FCGR1A: variants seen among roughly 807,000 people sequenced by gnomAD.
The protein encoded by FCGR1A is Fc gamma receptor Ia.
In FCGR1A, 13 loss-of-function variants were observed where a neutral mutation model predicts 35.0. The ratio of observed to expected loss-of-function variants is 0.37; its 90% CI spans 0.24 to 0.59. The LOEUF (loss-of-function observed/expected upper bound fraction) is 0.59. FCGR1A is among the 20% of genes least tolerant of loss of function. The pLI is 0.71. For synonymous variants in FCGR1A, 91 were observed against 164.7 expected (o/e 0.55, Z 3.43); for missense variants, 227 against 430.0 (o/e 0.53, Z 4.17).
rs781834840 is a variant in FCGR1A at position 149,788,591 on chromosome 1, C to T, written c.533C>T (p.Ser178Leu). Residue 178 changes from serine (S) to leucine (L), a missense_variant, in exon 4 of 6, where the codon TCA becomes TTA. Physicochemically the swap from Ser to Leu is moderately radical, Grantham distance 145. Around this residue, in one of 3 missense-constraint regions of FCGR1A, gnomAD observed 185 missense variants for 306.6 expected, o/e 0.60. Transcript: ENST00000369168. The stretch of plus-strand genomic sequence containing the variant: ...GGCATGGGAAAGCATCGCTACACAT[C>T]AGCAGGAATATCTGTCACTGTGAAA... ...CSGMGKHRYT[S>L]AGISVTVKEL... The T allele has an allele frequency of 1.6e-5, 26 of 1,613,880 alleles. No homozygotes were observed. In the South Asian group the frequency reaches 2.6e-4, roughly 16 times the overall value.
chr1:149,793,509 G>C (rs1553752460), downstream of FCGR1A, among the ~76,000 whole-genome samples: 1 of 152,140 alleles, frequency 6.6e-6, no homozygotes, highest in Non-Finnish European at 1.5e-5. Flanking sequence ...AGGCCCTGGA[G>C]GGATCTGATG....
intron 5 of FCGR1A, among the ~76,000 whole-genome samples, chr1:149,790,701 C>T (rs1407463212): frequency 1.3e-5 from 2 of 150,362 alleles, no homozygotes; most frequent in Non-Finnish European, 3.0e-5. Context: ...TGCCTCCCTC[C>T]TCCTCACCAA....
chr1:149,789,516 C>T (rs1769947), intron 4 of FCGR1A, among the ~76,000 whole-genome samples: 47 of 152,302 alleles, frequency 3.1e-4, no homozygotes, highest in African/African-American at 1.0e-3. Flanking sequence ...CCAGATGACA[C>T]GGTCATTCAG....
intron 4 of FCGR1A, among the ~76,000 whole-genome samples, chr1:149,789,482 C>A (rs2091645328): frequency 6.6e-6 from 1 of 152,168 alleles, no homozygotes; most frequent in Admixed American, 6.5e-5. Context: ...TAGTTGACCA[C>A]TGCCAAAAGG....
intron 3 of FCGR1A, 92 bp from the exon 4 acceptor site, chr1:149,788,274 A>G: frequency 6.2e-7 from 1 of 1,609,250 alleles, no homozygotes; most frequent in Non-Finnish European, 8.5e-7. Context: ...TGGATGTTGC[A>G]AGGAGAAAAA....
intron 3 of FCGR1A, among the ~76,000 whole-genome samples, chr1:149,785,421 T>TTG (rs1181176037): frequency 7.4e-6 from 1 of 135,744 alleles, no homozygotes. Flanking sequence ...TTTTTTTTTT[T>TTG]TTTTTTTTTT....
chr1:149,785,115 T>A (rs2091506402), intron 3 of FCGR1A, among the ~76,000 whole-genome samples: 3 of 152,184 alleles, frequency 2.0e-5, no homozygotes, highest in African/African-American at 7.2e-5. Flanking sequence ...ACTGCAATAT[T>A]CTTCAGGGAA....
chr1:149,794,071 G>A, downstream of FCGR1A: 4 of 532,020 alleles, frequency 7.5e-6, no homozygotes, highest in Non-Finnish European at 1.0e-5. Context: ...GGCTTAGTTG[G>A]AGACAGATTC....
chr1:149,792,301 G>A (rs1553752044), downstream of FCGR1A: 5 of 246,680 alleles, frequency 2.0e-5, 1 homozygote, highest in East Asian at 5.0e-4. Context: ...GAGAAGCGGC[G>A]ATACCATAGA....
chr1:149,791,333 G>A lies in FCGR1A; in HGVS notation c.941G>A (p.Arg314His), dbSNP rs782220562. The A allele has an allele frequency of 4.7e-5, 75 of 1,589,490 alleles. 10 individuals carry two copies. The East Asian group carries it at 1.1e-3, about 23-fold the overall frequency. The change falls in exon 6 of 6, where the codon CGT becomes CAT. Residue 314 changes from arginine to histidine, a missense_variant. Transcript: ENST00000369168. The part of the protein sequence containing the change: ...LVNTVLWVTI[R>H]KELKRKKKWD... ...AACACTGTTCTCTGGGTGACAATAC[G>A]TAAAGAACTGAAAAGAAAGAAAAAG...
At chr1:149,785,486 G>C (rs1382291870) in intron 3 of FCGR1A, among the ~76,000 whole-genome samples, 1 of 124,764 alleles carries the variant, frequency 8.0e-6, no homozygotes, top group Non-Finnish European at 1.6e-5. Context: ...GTGTGATCTT[G>C]GCTCACTGCA....
rs1243440027 is a variant in FCGR1A at position 149,782,704 on chromosome 1, A to G, written c.-40A>G. On this transcript the variant is annotated 5_prime_UTR_variant, in exon 1 of 6. It removes an upstream start codon present in the reference 5' UTR. Transcript: ENST00000369168. ...CAGCAGAACCTCTTCAATATCTTGC[A>G]TGTTACAGATTTCACTGCTCCCACC... 1 of 1,542,450 alleles carries G rather than the reference A, an allele frequency of 6.5e-7. No homozygotes were observed. The highest frequency in any genetic ancestry group is 8.9e-7 in the Non-Finnish European group (1 of 1,127,200).
At chr1:149,797,253 CT>C in the FCGR1A span, among the ~76,000 whole-genome samples, 2 of 152,110 alleles carry the variant, frequency 1.3e-5, no homozygotes, top group African/African-American at 4.8e-5. Flanking sequence ...GATTTTTTTT[CT>C]GTTTCTCTTA....
Position 149,784,271 on chromosome 1 carries a change from G to C in FCGR1A, c.307+14G>C. 1 of 1,610,234 alleles carries C rather than the reference G, an allele frequency of 6.2e-7. No homozygotes were observed. Among genetic ancestry groups the C allele is most frequent in the Non-Finnish European group, 8.5e-7 (1 of 1,179,816 alleles). ...AAATCCACAGAGGTAATTATGACTT[G>C]GACCAGGAGGGCCGGAAACCACAAG... On this transcript the variant is annotated intron_variant, in intron 3 of 5. Transcript: ENST00000369168.
intron 3 of FCGR1A, chr1:149,786,799 T>C (rs1160103050): frequency 6.6e-6 from 1 of 152,238 alleles, no homozygotes; most frequent in Non-Finnish European, 1.5e-5. Context: ...TAGATGTTTT[T>C]TGGAGGGTAG....
At chr1:149,787,618 A>G (rs1398578863) in intron 3 of FCGR1A, 1 of 152,236 alleles carries the variant, frequency 6.6e-6, no homozygotes, top group Non-Finnish European at 1.5e-5. Flanking sequence ...TAGCAACAAC[A>G]TACATTTAAG....
rs2091669741 is a variant in FCGR1A at position 149,790,255 on chromosome 1, A to G, written c.761A>G (p.Asp254Gly). The G allele has an allele frequency of 2.5e-6, 4 of 1,603,550 alleles. No individual in the cohort carries two copies. In the African/African-American group the frequency reaches 4.0e-5, roughly 16 times the overall value. ...EYQILTARREDSGLYWCEAAT... is the reference protein window; with the variant it reads ...EYQILTARREGSGLYWCEAAT... Reference sequence around the variant, plus strand: ...CAAATACTAACTGCTAGAAGAGAAGACTCTGGGTTATACTGGTGCGAGGCT... The same window carrying G: ...CAAATACTAACTGCTAGAAGAGAAGGCTCTGGGTTATACTGGTGCGAGGCT... The change falls in exon 5 of 6, where the codon GAC becomes GGC. Residue 254 changes from aspartate (D) to glycine (G), a missense_variant. This residue lies in a region of FCGR1A where 185 missense variants were observed against 306.6 expected (regional missense o/e 0.60). Coordinates refer to ENST00000369168, the MANE Select transcript of FCGR1A (RefSeq NM_000566.4).
chr1:149,785,834 T>C (rs1168919296), intron 3 of FCGR1A: 1 of 152,158 alleles, frequency 6.6e-6, no homozygotes, highest in Non-Finnish European at 1.5e-5. Flanking sequence ...CCCCTGACAC[T>C]GACTTCCAGC....
the FCGR1A span, among the ~76,000 whole-genome samples, chr1:149,796,960 T>G: frequency 6.6e-6 from 1 of 152,244 alleles, no homozygotes; most frequent in Admixed American, 6.5e-5. Flanking sequence ...TCACCCAGGC[T>G]GGAGTGCAGT....
Sources: gnomAD v4.1 joint callset for allele counts (sites outside exome capture counted in the v4.1 genomes callset) on GRCh38, gnomAD v4.1.1 for gene constraint, gnomAD v4.1.1 regional missense constraint, MANE v1.5 for transcripts, NCBI Gene and HGNC (gene_info 2026-07-23, HGNC 2026-07-21) for gene names.